Variants in OSBPL8 observed in about 807,000 individuals in gnomAD.
OSBPL8 encodes the protein oxysterol binding protein like 8, also known as oxysterol-binding protein-related protein 8.
A neutral mutation model predicts 125.5 loss-of-function variants in OSBPL8; 59 were observed. The observed-to-expected ratio is 0.47, with a 90% confidence interval of 0.38 to 0.58. OSBPL8 has a LOEUF of 0.58. Ranked by LOEUF, OSBPL8 falls within the 20% of genes least tolerant of loss-of-function variation. The pLI, the probability that OSBPL8 is intolerant of heterozygous loss-of-function variation, is 0.00. For synonymous variants in OSBPL8, 330 were observed against 338.9 expected (o/e 0.97, Z 0.29); for missense variants, 758 against 1,047.8 (o/e 0.72, Z 3.82).
intron 1 of OSBPL8, among the ~76,000 whole-genome samples, chr12:76,526,635 C>CTTTTTTTTTTTTTTTTTT (rs573409160): frequency 1.6e-5 from 1 of 64,262 alleles, no homozygotes; most frequent in African/African-American, 5.2e-5. Context: ...CAGTAAATCT[C>CTTTTTTTTTTTTTTTTTT]TTTTTTTTTT....
intron 3 of OSBPL8, among the ~76,000 whole-genome samples, chr12:76,458,573 C>T (rs1039868432): frequency 2.0e-5 from 3 of 151,588 alleles, no homozygotes; most frequent in East Asian, 2.0e-4. Flanking sequence ...AGCCTGGAGT[C>T]CTAGCTACTC....
At chr12:76,438,143 C>T (rs1327106162) in intron 4 of OSBPL8, among the ~76,000 whole-genome samples, 7 of 151,576 alleles carry the variant, frequency 4.6e-5, no homozygotes, top group Non-Finnish European at 7.4e-5. Context: ...CGCACCACCA[C>T]GCCCAGCTAA....
chr12:76,513,147 G>A (rs1245102562), intron 1 of OSBPL8, among the ~76,000 whole-genome samples: 1 of 152,204 alleles, frequency 6.6e-6, no homozygotes, highest in Non-Finnish European at 1.5e-5. Context: ...ATATTGCACT[G>A]TGGTCCAAGA....
At chr12:76,459,927 A>G in intron 2 of OSBPL8, 32 bp from the exon 3 acceptor site, 1 of 1,612,586 alleles carries the variant, frequency 6.2e-7, no homozygotes, top group Non-Finnish European at 8.5e-7. Context: ...GCAGCAAACA[A>G]ATACAGTCCA....
At chr12:76,392,302 T>C (rs1177653268) in intron 10 of OSBPL8, among the ~76,000 whole-genome samples, 4 of 152,222 alleles carry the variant, frequency 2.6e-5, no homozygotes, top group African/African-American at 9.6e-5. Context: ...GCAGAAATCA[T>C]TCTTAATAGA....
At chr12:76,544,151 C>G (rs987284131) in intron 1 of OSBPL8, among the ~76,000 whole-genome samples, 2 of 152,164 alleles carry the variant, frequency 1.3e-5, no homozygotes, top group Admixed American at 6.5e-5. Context: ...AAGTTGCCAT[C>G]CCACAAAACA....
chr12:76,534,151 G>C (rs1183599192), intron 1 of OSBPL8: 1 of 152,080 alleles, frequency 6.6e-6, no homozygotes, highest in Non-Finnish European at 1.5e-5. Flanking sequence ...AAAATTAAAT[G>C]CAATTTTTAT....
Position 76,392,586 on chromosome 12 carries a change from G to A in OSBPL8, c.924C>T (p.Asn308=). Residue 308 remains asparagine, a synonymous_variant, in exon 10 of 24, where the codon AAC becomes AAT. Coordinates refer to ENST00000261183, the MANE Select transcript of OSBPL8 (RefSeq NM_020841.5). ...LRANNLHSGD[N]FQLNDSEIER... is the part of the protein sequence containing the mutation. ...CAGCGGCAGTATCTACTTACTGGAA[G>A]TTATCACCACTGTGGAGATTGTTAG... 6.2e-7 allele frequency: 1 copy of A among 1,606,106 alleles called. No individual in the cohort carries two copies. The highest frequency in any genetic ancestry group is 8.5e-7 in the Non-Finnish European group (1 of 1,173,928).
At chr12:76,415,250 CTTT>C (rs35128998) in intron 4 of OSBPL8, among the ~76,000 whole-genome samples, 1 of 143,016 alleles carries the variant, frequency 7.0e-6, no homozygotes. Flanking sequence ...TTTTTCTTTC[CTTT>C]TTTTTTTTTG....
chr12:76,437,754 T>C (rs1464135344), intron 4 of OSBPL8, among the ~76,000 whole-genome samples: 2 of 152,224 alleles, frequency 1.3e-5, no homozygotes, highest in Non-Finnish European at 2.9e-5. Context: ...GATGTCACAC[T>C]GGAAAAATGT....
intron 4 of OSBPL8, among the ~76,000 whole-genome samples, chr12:76,434,575 G>A (rs1871227838): frequency 6.6e-6 from 1 of 152,042 alleles, no homozygotes; most frequent in African/African-American, 2.4e-5. Flanking sequence ...TGAAAGAATA[G>A]AAGAAAATAT....
At chr12:76,464,191 C>A (rs1410822931) in intron 2 of OSBPL8, among the ~76,000 whole-genome samples, 2 of 152,146 alleles carry the variant, frequency 1.3e-5, no homozygotes, top group African/African-American at 2.4e-5. Context: ...ACTGCTTGAG[C>A]CCAGGAGTTC....
intron 1 of OSBPL8, among the ~76,000 whole-genome samples, chr12:76,510,019 C>T (rs750339518): frequency 7.9e-5 from 12 of 152,312 alleles, no homozygotes; most frequent in Non-Finnish European, 1.5e-4. Flanking sequence ...CCACTTTTCT[C>T]ATAGACATTA....
At chr12:76,450,256 G>C (rs148895134) in intron 4 of OSBPL8, among the ~76,000 whole-genome samples, 162 of 152,246 alleles carry the variant, frequency 1.1e-3, no homozygotes, top group African/African-American at 3.6e-3. Flanking sequence ...ATAATGCATA[G>C]GACAGCCCTC....
intron 8 of OSBPL8, among the ~76,000 whole-genome samples, chr12:76,396,513 C>A (rs575480988): frequency 1.4e-3 from 216 of 152,158 alleles, no homozygotes; most frequent in African/African-American, 4.9e-3. Context: ...AATCCCAGCA[C>A]TTTGGGAGGC....
chr12:76,394,609 A>G (rs1284045955), intron 9 of OSBPL8, 36 bp downstream of exon 9: 3 of 1,517,652 alleles, frequency 2.0e-6, no homozygotes, highest in Non-Finnish European at 2.7e-6. Context: ...CTTAAAAATG[A>G]AGACCAAAAT....
At chr12:76,501,481 A>G (rs779157994) in intron 1 of OSBPL8, among the ~76,000 whole-genome samples, 1 of 152,218 alleles carries the variant, frequency 6.6e-6, no homozygotes, top group Non-Finnish European at 1.5e-5. Context: ...TATAGTGAAG[A>G]TATTTGTGTC....
At chr12:76,417,708 C>A (rs1371087925) in intron 4 of OSBPL8, among the ~76,000 whole-genome samples, 5 of 152,098 alleles carry the variant, frequency 3.3e-5, no homozygotes, top group African/African-American at 1.2e-4. Context: ...TAATATTTCA[C>A]AAATCTACAG....
chr12:76,494,827 C>G (rs981085126), intron 1 of OSBPL8, among the ~76,000 whole-genome samples: 1 of 152,044 alleles, frequency 6.6e-6, no homozygotes, highest in Non-Finnish European at 1.5e-5. Context: ...GTTAAGCAGG[C>G]AGTTGGATGT....
Sources: gnomAD v4.1 joint callset for allele counts (sites outside exome capture counted in the v4.1 genomes callset) on GRCh38, gnomAD v4.1.1 for gene constraint, MANE v1.5 for transcripts, NCBI Gene and HGNC (gene_info 2026-07-23, HGNC 2026-07-21) for gene names.